Variants in STYXL1 observed in about 807,000 individuals in gnomAD.
STYXL1 encodes the protein serine/threonine/tyrosine interacting like 1.
In STYXL1, 32 loss-of-function variants were observed where a neutral mutation model predicts 36.4. The observed-to-expected ratio is 0.88, with a 90% CI of 0.66 to 1.18. The LOEUF (loss-of-function observed/expected upper bound fraction) is 1.18, where lower values mean the gene tolerates loss of function less well. STYXL1 is among the 50% of genes most tolerant of loss of function. The pLI is 0.00. For missense variants in STYXL1, 354 were observed against 394.1 expected (o/e 0.90, Z 0.86); for synonymous variants, 133 against 144.1 (o/e 0.92, Z 0.55).
intron 7 of STYXL1, among the ~76,000 whole-genome samples, chr7:76,002,797 G>A (rs1158183225): frequency 6.6e-6 from 1 of 152,186 alleles, no homozygotes; most frequent in Non-Finnish European, 1.5e-5. Context: ...GGTGGTGCAT[G>A]CCTGTAGTCC....
intron 6 of STYXL1, among the ~76,000 whole-genome samples, chr7:76,004,132 T>C (rs1554569327): frequency 6.6e-6 from 1 of 152,092 alleles, no homozygotes; most frequent in Non-Finnish European, 1.5e-5. Flanking sequence ...CCCGCTCTGT[T>C]GCCCAGGCTG....
At position 76,003,395 on chromosome 7, in the gene STYXL1, T is replaced by C. The variant is rs188413900; in HGVS notation, c.697+363A>G. On this transcript the variant is annotated intron_variant, in intron 7 of 8. Transcript: ENST00000359697. ...GGATGAAGGCGGGGATGGAGAGAGA[T>C]AGATTTACTACTGGTCCCCAGAGCT... Among the ~76,000 whole-genome samples the C allele has an allele frequency of 4.7e-4, 71 of 152,302 alleles. 1 individual carries two copies. Among genetic ancestry groups the C allele is most frequent in the Admixed American group, 3.1e-3 (48 of 15,292 alleles).
intron 1 of STYXL1, among the ~76,000 whole-genome samples, chr7:76,041,111 A>AGAATCACT (rs1441452213): frequency 7.3e-5 from 11 of 151,302 alleles, no homozygotes; most frequent in Admixed American, 7.3e-4. Context: ...CTGAGCTGGG[A>AGAATCACT]GAATCACTTG....
chr7:76,005,863 G>T, intron 5 of STYXL1, among the ~76,000 whole-genome samples: 1 of 117,820 alleles, frequency 8.5e-6, no homozygotes, highest in East Asian at 2.2e-4. Flanking sequence ...GAGGAGAGAG[G>T]AGGAAGAGAG....
intron 1 of STYXL1, among the ~76,000 whole-genome samples, chr7:76,035,584 G>A (rs1795834040): frequency 6.7e-6 from 1 of 149,648 alleles, no homozygotes; most frequent in African/African-American, 2.4e-5. Flanking sequence ...TCCTCTTAAG[G>A]ATCTCCTCAC....
At chr7:76,030,184 A>G (rs782542815) in intron 2 of STYXL1, among the ~76,000 whole-genome samples, 2 of 151,942 alleles carry the variant, frequency 1.3e-5, no homozygotes, top group African/African-American at 2.4e-5. Context: ...TTTTTAGTAG[A>G]GATGGGGTTT....
rs532516285 is a variant in STYXL1 at position 76,001,430 on chromosome 7, C to T, written c.698-428G>A. Reference sequence around the variant, plus strand: ...GGGGCTTGGGCAAGTTACTTCCTTTCCTTTCCTTCCCCCATCTCCTCTCTT... The same window carrying T: ...GGGGCTTGGGCAAGTTACTTCCTTTTCTTTCCTTCCCCCATCTCCTCTCTT... On this transcript the variant is annotated intron_variant, in intron 7 of 8. Transcript: ENST00000359697. Among the ~76,000 whole-genome samples, 4 of 152,280 alleles carry T rather than the reference C, an allele frequency of 2.6e-5. No individual in the cohort carries two copies. In the South Asian group the frequency reaches 6.2e-4, roughly 24 times the overall value.
chr7:76,022,130 C>CACTG, intron 3 of STYXL1, 138 bp from the exon 4 acceptor site: 15 of 1,459,842 alleles, frequency 1.0e-5, no homozygotes, highest in Non-Finnish European at 1.3e-5. Flanking sequence ...GGCCCAGAAG[C>CACTG]ACTGAGACAG....
intron 2 of STYXL1, among the ~76,000 whole-genome samples, chr7:76,030,087 A>G (rs1795160190): frequency 2.0e-5 from 3 of 151,624 alleles, no homozygotes; most frequent in African/African-American, 2.4e-5. Flanking sequence ...TCCAACCTCC[A>G]CCTTCCAGGT....
intron 2 of STYXL1, among the ~76,000 whole-genome samples, chr7:76,028,978 G>A (rs946076329): frequency 6.6e-6 from 1 of 151,910 alleles, no homozygotes; most frequent in Non-Finnish European, 1.5e-5. Flanking sequence ...ACAAAAATTA[G>A]CCGGGCGTGG....
intron 1 of STYXL1, among the ~76,000 whole-genome samples, chr7:76,031,295 C>A (rs1221532491): frequency 1.6e-5 from 2 of 123,970 alleles, no homozygotes; most frequent in Non-Finnish European, 3.2e-5. Flanking sequence ...CATGCCATTG[C>A]ACTCCAGCCT....
In STYXL1 at chr7:76,037,864, G is replaced by A. The variant is rs145498552; in HGVS notation, c.-4-7337C>T. On this transcript the variant is annotated intron_variant, in intron 1 of 8. Transcript: ENST00000359697. ...TCAGGGTCCACAGCCAATCCCCACC[G>A]CTGTTCTGGTTCGCGGTGGGAAGCT... 5.9e-4 allele frequency among the ~76,000 whole-genome samples: 89 copies of A among 150,126 alleles called. 5 individuals are homozygous for A. The highest frequency in any genetic ancestry group is 3.1e-3 in the East Asian group (16 of 5,186).
chr7:76,021,200 C>A (rs1222406071), intron 4 of STYXL1, among the ~76,000 whole-genome samples: 2 of 151,988 alleles, frequency 1.3e-5, no homozygotes, highest in African/African-American at 4.8e-5. Flanking sequence ...GCCTCAGCCT[C>A]CCAAGTAGCT....
In STYXL1 at chr7:76,000,470, G is replaced by A. The variant is rs1231293091; in HGVS notation, c.810+420C>T. 3.5e-5 allele frequency: 16 copies of A among 457,788 alleles called. No individual in the cohort carries two copies. The East Asian group carries it at 4.8e-4, about 14-fold the overall frequency. The allele number at this position is 457,788 out of a possible 1,614,324, so 28.4% of individuals were successfully genotyped here. A position where few individuals can be genotyped will look rare whatever the true frequency, so the allele number is the denominator to read the frequency against. ...CTGTGAGTTAGGAGCTCCGAGTTCC[G>A]CCTGGGTTTGCTGCGATGGGTCCCT... On this transcript the variant is annotated intron_variant, in intron 8 of 8. Coordinates refer to ENST00000359697, the MANE Select transcript of STYXL1 (RefSeq NM_001317785.2).
chr7:76,008,330 C>T (rs1238521243), intron 5 of STYXL1, among the ~76,000 whole-genome samples: 2 of 150,768 alleles, frequency 1.3e-5, no homozygotes, highest in Non-Finnish European at 2.9e-5. Context: ...TATTACACCA[C>T]AGAAAATGCT....
intron 1 of STYXL1, chr7:76,045,142 C>T (rs1330046040): frequency 6.6e-6 from 1 of 152,156 alleles, no homozygotes; most frequent in Non-Finnish European, 1.5e-5. Context: ...TATGTATTTT[C>T]CACACCTCTT....
intron 1 of STYXL1, among the ~76,000 whole-genome samples, chr7:76,031,638 C>T (rs1303711689): frequency 2.0e-5 from 3 of 151,538 alleles, no homozygotes; most frequent in Admixed American, 2.0e-4. Context: ...TCACTTGAAC[C>T]CGGGAGGCGG....
chr7:75,996,433 G>A lies in STYXL1; in HGVS notation c.*35C>T. ...CACCCACAAAATGCCCCCAGGTGAG[G>A]CTCTTCAGTACCCTTCGGTGGGCCT... On this transcript the variant is annotated 3_prime_UTR_variant, in exon 9 of 9. Coordinates refer to ENST00000359697, the MANE Select transcript of STYXL1 (RefSeq NM_001317785.2). 1 of 1,614,072 alleles carries A rather than the reference G, an allele frequency of 6.2e-7. No individual in the cohort carries two copies. Among genetic ancestry groups the A allele is most frequent in the Non-Finnish European group, 8.5e-7 (1 of 1,179,950 alleles).
At chr7:76,039,157 C>G (rs1188990021) in intron 1 of STYXL1, among the ~76,000 whole-genome samples, 1 of 149,166 alleles carries the variant, frequency 6.7e-6, no homozygotes, top group African/African-American at 2.6e-5. Flanking sequence ...AGGCTGGTCT[C>G]GAACTCCTGA....
Sources: gnomAD v4.1 joint callset for allele counts (sites outside exome capture counted in the v4.1 genomes callset) on GRCh38, gnomAD v4.1.1 for gene constraint, MANE v1.5 for transcripts, NCBI Gene and HGNC (gene_info 2026-07-23, HGNC 2026-07-21) for gene names.